PDE10A: variants seen among roughly 807,000 people sequenced by gnomAD.
The protein encoded by PDE10A is phosphodiesterase 10A.
In PDE10A, 39 loss-of-function variants were observed where a neutral mutation model predicts 97.7. The ratio of observed to expected loss-of-function variants is 0.40; its 90% CI spans 0.31 to 0.52. The LOEUF (loss-of-function observed/expected upper bound fraction) is 0.52, where lower values mean the gene tolerates loss of function less well. PDE10A is among the 20% of genes least tolerant of loss of function. The pLI, the probability that PDE10A is intolerant of heterozygous loss-of-function variation, is 0.56. For synonymous variants in PDE10A, 371 were observed against 376.8 expected, an observed-to-expected ratio of 0.98 and a Z score of 0.18; for missense variants, 731 against 1,047.8, an observed-to-expected ratio of 0.70 and a Z score of 4.17.
intron 1 of PDE10A, among the ~76,000 whole-genome samples, chr6:165,668,547 G>T (rs1013864835): frequency 6.7e-6 from 1 of 150,196 alleles, no homozygotes; most frequent in Admixed American, 6.6e-5. Context: ...CAAGGGGTTC[G>T]ATGCAGTTAC....
At chr6:165,531,889 A>C (rs1444402259) in intron 2 of PDE10A, among the ~76,000 whole-genome samples, 2 of 152,252 alleles carry the variant, frequency 1.3e-5, no homozygotes. Context: ...CAAAACCTTT[A>C]AACCATCTTC....
At chr6:165,740,615 G>A (rs542183936) in intron 1 of PDE10A, among the ~76,000 whole-genome samples, 157 of 152,238 alleles carry the variant, frequency 1.0e-3, no homozygotes, top group African/African-American at 3.5e-3. Flanking sequence ...TTACAAGTGT[G>A]AGCCACCACT....
intron 1 of PDE10A, chr6:165,576,315 G>A: frequency 1.4e-6 from 1 of 714,640 alleles, no homozygotes; most frequent in Admixed American, 2.1e-5. Flanking sequence ...TTAATGAATT[G>A]GCAGATCAAA....
intron 1 of PDE10A, among the ~76,000 whole-genome samples, chr6:165,764,541 G>GCTGCTCGGAT (rs59814378): frequency 6.6e-6 from 1 of 151,772 alleles, no homozygotes; most frequent in African/African-American, 2.4e-5. Context: ...TGTTCCTTCT[G>GCTGCTCGGAT]GTGTTCGGAG....
At chr6:165,455,118 T>C (rs1777875540) in intron 3 of PDE10A, among the ~76,000 whole-genome samples, 1 of 152,126 alleles carries the variant, frequency 6.6e-6, no homozygotes, top group African/African-American at 2.4e-5. Flanking sequence ...CTACTGGACG[T>C]CAGCTCCACC....
intron 1 of PDE10A, among the ~76,000 whole-genome samples, chr6:165,758,531 G>GA: frequency 6.7e-6 from 1 of 150,020 alleles, no homozygotes; most frequent in African/African-American, 2.5e-5. Flanking sequence ...AGAAGAAGAA[G>GA]AGGAAGAGGA....
At chr6:165,384,170 A>G (rs960908692) in intron 17 of PDE10A, among the ~76,000 whole-genome samples, 1 of 152,188 alleles carries the variant, frequency 6.6e-6, no homozygotes, top group Non-Finnish European at 1.5e-5. Context: ...CACTTGGAGA[A>G]ACAGTGATGG....
chr6:165,936,810 T>C (rs748626507), intron 1 of PDE10A, among the ~76,000 whole-genome samples: 3 of 152,214 alleles, frequency 2.0e-5, no homozygotes, highest in Non-Finnish European at 2.9e-5. Flanking sequence ...TTCCCCAATA[T>C]TCTCTCTTTT....
Position 165,347,500 on chromosome 6 carries a change from C to T in PDE10A, c.2784-3998G>A, listed in dbSNP as rs557767809. On this transcript the variant is annotated intron_variant, in intron 18 of 21. Transcript: ENST00000539869. Reference sequence around the variant, plus strand: ...GCTTCTTTTAAAAATACATTTTTCTCCATTACAGAGAGAAAAATAAATTAT... The same window carrying T: ...GCTTCTTTTAAAAATACATTTTTCTTCATTACAGAGAGAAAAATAAATTAT... 2.0e-5 allele frequency among the ~76,000 whole-genome samples: 3 copies of T among 152,188 alleles called. No individual in the cohort carries two copies. The East Asian group carries it at 5.8e-4, about 29-fold the overall frequency.
intron 1 of PDE10A, among the ~76,000 whole-genome samples, chr6:165,769,736 C>G (rs1777954398): frequency 6.6e-6 from 1 of 152,148 alleles, no homozygotes; most frequent in Admixed American, 6.5e-5. Context: ...ACATCTAAAC[C>G]AAAGTTATTA....
intron 1 of PDE10A, among the ~76,000 whole-genome samples, chr6:165,658,929 G>A (rs1332886461): frequency 2.0e-5 from 3 of 152,162 alleles, no homozygotes. Context: ...TGCTTCTAGG[G>A]GACTCTGTCT....
At chr6:165,852,124 A>G (rs1317640827) in intron 1 of PDE10A, among the ~76,000 whole-genome samples, 1 of 152,218 alleles carries the variant, frequency 6.6e-6, no homozygotes, top group Non-Finnish European at 1.5e-5. Context: ...GAAAGAAGAA[A>G]GTCCCATCTC....
intron 1 of PDE10A, among the ~76,000 whole-genome samples, chr6:165,628,395 A>G (rs1053144968): frequency 6.6e-6 from 1 of 151,736 alleles, no homozygotes; most frequent in Non-Finnish European, 1.5e-5. Flanking sequence ...TCTGCTGCCT[A>G]GGCTAGAGGG....
chr6:165,521,963 A>G (rs945473632), intron 2 of PDE10A, among the ~76,000 whole-genome samples: 5 of 152,154 alleles, frequency 3.3e-5, no homozygotes, highest in Admixed American at 6.6e-5. Context: ...ACTGAGCATA[A>G]TTTCCTCAAG....
chr6:165,676,282 T>C (rs1790793420), intron 1 of PDE10A, among the ~76,000 whole-genome samples: 1 of 152,252 alleles, frequency 6.6e-6, no homozygotes, highest in East Asian at 1.9e-4. Context: ...TTGGGTACAA[T>C]ATACACGATT....
chr6:165,930,833 T>A (rs568436786), intron 1 of PDE10A, among the ~76,000 whole-genome samples: 126 of 152,326 alleles, frequency 8.3e-4, no homozygotes, highest in African/African-American at 2.9e-3. Context: ...CCCGGCTCAC[T>A]GACACGAGGG....
intron 20 of PDE10A, among the ~76,000 whole-genome samples, chr6:165,338,339 A>G (rs747544536): frequency 1.3e-5 from 2 of 152,244 alleles, no homozygotes; most frequent in Non-Finnish European, 2.9e-5. Flanking sequence ...AACATTTGTT[A>G]AACTTATCTG....
intron 1 of PDE10A, among the ~76,000 whole-genome samples, chr6:165,810,067 C>A (rs1779237533): frequency 6.6e-6 from 1 of 152,172 alleles, no homozygotes; most frequent in African/African-American, 2.4e-5. Flanking sequence ...ATCACCACCA[C>A]CGCCCCAAAG....
intron 1 of PDE10A, among the ~76,000 whole-genome samples, chr6:165,866,787 C>G (rs1194028161): frequency 6.7e-6 from 1 of 149,978 alleles, no homozygotes; most frequent in Non-Finnish European, 1.5e-5. Context: ...ATGACATAGT[C>G]AAAGTGCTGA....
Sources: allele counts gnomAD v4.1 joint callset (sites outside exome capture counted in the v4.1 genomes callset), GRCh38; gene constraint gnomAD v4.1.1; transcripts MANE v1.5; gene names NCBI Gene and HGNC (gene_info 2026-07-23, HGNC 2026-07-21).